The following FER1L6 variants were observed in gnomAD, a reference collection of about 807,000 sequenced individuals.
The protein encoded by FER1L6 is fer-1-like protein 6.
FER1L6 carries 177 observed loss-of-function variants against 219.2 expected under a neutral mutation model. The ratio of observed to expected loss-of-function variants is 0.81; its 90% confidence interval spans 0.71 to 0.91. The LOEUF is 0.91. FER1L6 is among the 40% of genes least tolerant of loss of function. FER1L6 has a pLI of 0.00. For missense variants in FER1L6, 2,153 were observed against 2,259.9 expected (o/e 0.95, Z 0.96); for synonymous variants, 768 against 824.3 (o/e 0.93, Z 1.17).
chr8:123,986,887 C>A (rs905605767), intron 12 of FER1L6, among the ~76,000 whole-genome samples: 4 of 152,132 alleles, frequency 2.6e-5, no homozygotes, highest in African/African-American at 9.7e-5. Context: ...CATTGTGTAT[C>A]TGTATCACAT....
At chr8:123,999,892 A>G (rs887324649) in intron 12 of FER1L6, among the ~76,000 whole-genome samples, 1 of 152,038 alleles carries the variant, frequency 6.6e-6, no homozygotes, top group Non-Finnish European at 1.5e-5. Flanking sequence ...GCCCCAGCTT[A>G]TGTCTCACTA....
chr8:123,870,904 G>A (rs1290318390), intron 1 of FER1L6, among the ~76,000 whole-genome samples: 1 of 152,164 alleles, frequency 6.6e-6, no homozygotes, highest in Admixed American at 6.5e-5. Context: ...CTCACTGAAA[G>A]GGCTGGGAAG....
rs540638620 is a variant in FER1L6 at position 123,871,762 on chromosome 8, C to T, written c.-8+19577C>T. Among the ~76,000 whole-genome samples the T allele has an allele frequency of 9.9e-5, 15 of 152,134 alleles. No individual in the cohort carries two copies. The South Asian group carries it at 1.7e-3, about 17-fold the overall frequency. On this transcript the variant is annotated intron_variant, in intron 1 of 40. Transcript: ENST00000522917. ...AATGAGTACAGTATGGTAAGGGGAGCGAAAAGAGTCACTTTAAAGTGGAGA... is the reference window on the plus strand; with the variant it reads ...AATGAGTACAGTATGGTAAGGGGAGTGAAAAGAGTCACTTTAAAGTGGAGA...
chr8:124,101,006 A>G (rs1252443772), intron 37 of FER1L6, 91 bp from the exon 38 acceptor site: 1 of 1,192,964 alleles, frequency 8.4e-7, no homozygotes, highest in Non-Finnish European at 1.2e-6. Flanking sequence ...ATGCTCTGTG[A>G]CCACATTGAA....
In FER1L6 at chr8:124,119,849, G is replaced by A; in HGVS notation, c.*59G>A. The A allele has an allele frequency of 6.4e-7, 1 of 1,554,480 alleles. No individual in the cohort carries two copies. Among genetic ancestry groups the A allele is most frequent in the Non-Finnish European group, 8.8e-7 (1 of 1,141,854 alleles). ...CTAATCCTCTCTTCCTTATCTGGGA[G>A]CATCTAAGAACATGTCCCATGCATG... is the stretch of plus-strand genomic sequence containing the variant. On this transcript the variant is annotated 3_prime_UTR_variant, in exon 41 of 41. Transcript: ENST00000522917.
chr8:124,067,696 G>C (rs1258340547), intron 27 of FER1L6, 71 bp from the exon 28 acceptor site: 43 of 1,312,434 alleles, frequency 3.3e-5, no homozygotes, highest in Non-Finnish European at 4.4e-5. Context: ...GCAGAGGGCT[G>C]AGATAATTGT....
chr8:123,934,533 ATTTT>A (rs34039461), intron 1 of FER1L6, among the ~76,000 whole-genome samples: 1 of 147,832 alleles, frequency 6.8e-6, no homozygotes, highest in Non-Finnish European at 1.5e-5. Flanking sequence ...TTCAGGTTGA[ATTTT>A]TTTTTTTTTC....
rs138453142 is a variant in FER1L6 at position 124,111,385 on chromosome 8, A to C, written c.5290-7459A>C. On this transcript the variant is annotated intron_variant, in intron 39 of 40. Transcript: ENST00000522917. This position sits in a 1 kb window ranked among gnomAD's most constrained non-coding sequence, Gnocchi z 5.0. ...TCCTGAAAGCCCTGCTTTGGCCTGC[A>C]GAAGGGATGTATTCCAGCTACCCTT... 2.9e-4 allele frequency among the ~76,000 whole-genome samples: 44 copies of C among 152,352 alleles called. 1 individual carries two copies. The East Asian group carries it at 8.1e-3, about 28-fold the overall frequency.
At chr8:124,029,726 C>T (rs1158288943) in intron 18 of FER1L6, among the ~76,000 whole-genome samples, 1 of 152,178 alleles carries the variant, frequency 6.6e-6, no homozygotes, top group Non-Finnish European at 1.5e-5. Flanking sequence ...CCTGTTTGCT[C>T]TGATGAGAGT....
Position 124,045,911 on chromosome 8 carries a change from C to T in FER1L6, c.2724+10C>T, listed in dbSNP as rs1819708336. The T allele has an allele frequency of 1.2e-6, 2 of 1,613,280 alleles. No homozygotes were observed. The highest frequency in any genetic ancestry group is 1.3e-5 in the African/African-American group (1 of 74,870). ...TGACAGCGACGCTGTGGTGAGTGTC[C>T]CCCTGGGCCAGTGCTGACCACACCT... On this transcript the variant is annotated intron_variant, in intron 21 of 40. Coordinates refer to ENST00000522917, the MANE Select transcript of FER1L6 (RefSeq NM_001039112.2).
intron 10 of FER1L6, among the ~76,000 whole-genome samples, chr8:123,980,251 A>G (rs1816263591): frequency 6.6e-6 from 1 of 152,242 alleles, no homozygotes; most frequent in African/African-American, 2.4e-5. Context: ...ATTGGCATTT[A>G]TGGTATTAGT....
intron 6 of FER1L6, among the ~76,000 whole-genome samples, chr8:123,973,077 A>G (rs1048995789): frequency 6.6e-6 from 1 of 152,172 alleles, no homozygotes; most frequent in African/African-American, 2.4e-5. Flanking sequence ...GAAAAGGAAC[A>G]CTTTCAGTTT....
At chr8:123,884,298 C>T (rs911447736) in intron 1 of FER1L6, among the ~76,000 whole-genome samples, 1 of 152,176 alleles carries the variant, frequency 6.6e-6, no homozygotes, top group Non-Finnish European at 1.5e-5. Context: ...TTACAATTAT[C>T]CCCATGGGGC....
intron 20 of FER1L6, among the ~76,000 whole-genome samples, chr8:124,044,047 G>A (rs1451193994): frequency 6.6e-6 from 1 of 152,178 alleles, no homozygotes; most frequent in Non-Finnish European, 1.5e-5. Context: ...CTGGTCTCTG[G>A]AATCTTATTA....
At position 124,001,942 on chromosome 8, in the gene FER1L6, T is replaced by C. The variant is rs192537905; in HGVS notation, c.1520-1225T>C. 7.9e-5 allele frequency among the ~76,000 whole-genome samples: 12 copies of C among 152,314 alleles called. 1 individual carries two copies. The Middle Eastern group carries it at 0.034, about 432-fold the overall frequency. On this transcript the variant is annotated intron_variant, in intron 12 of 40. Transcript: ENST00000522917. Reference sequence around the variant, plus strand: ...GAAACGAAACTTGGGAAGATTCTCATACATGTAAGGTTTGGGTGGCATGCT... The same window carrying C: ...GAAACGAAACTTGGGAAGATTCTCACACATGTAAGGTTTGGGTGGCATGCT...
intron 1 of FER1L6, among the ~76,000 whole-genome samples, chr8:123,914,181 G>A (rs1358579780): frequency 6.6e-6 from 1 of 152,214 alleles, no homozygotes; most frequent in Non-Finnish European, 1.5e-5. Flanking sequence ...GGACAGTGTA[G>A]ATAACAGAAT....
At chr8:124,064,129 C>T (rs1431268092) in intron 25 of FER1L6, among the ~76,000 whole-genome samples, 1 of 152,176 alleles carries the variant, frequency 6.6e-6, no homozygotes, top group African/African-American at 2.4e-5. Context: ...TTATTGATGA[C>T]CCATTATGTG....
chr8:124,108,651 C>T (rs1030643541), intron 39 of FER1L6, among the ~76,000 whole-genome samples: 13 of 151,956 alleles, frequency 8.6e-5, no homozygotes, highest in African/African-American at 2.2e-4. Flanking sequence ...TTGGAGTAGA[C>T]GGACATCTTG....
chr8:123,993,620 C>T (rs868183369), intron 12 of FER1L6, among the ~76,000 whole-genome samples: 4 of 152,100 alleles, frequency 2.6e-5, no homozygotes, highest in Admixed American at 1.3e-4. Flanking sequence ...GGACTCAAGG[C>T]CTGCTATGTG....
Sources: gnomAD v4.1 joint callset for allele counts (sites outside exome capture counted in the v4.1 genomes callset) on GRCh38, gnomAD v4.1.1 for gene constraint, Gnocchi (gnomAD v3.1) non-coding constraint, MANE v1.5 for transcripts, NCBI Gene and HGNC (gene_info 2026-07-23, HGNC 2026-07-21) for gene names.